Variants in PGAP2 observed in about 807,000 individuals in gnomAD.
The protein encoded by PGAP2 is post-GPI attachment to proteins 2.
A neutral mutation model predicts 33.2 loss-of-function variants in PGAP2; 21 were observed. The ratio of observed to expected loss-of-function variants is 0.63; its 90% CI spans 0.45 to 0.91. The LOEUF is 0.91. PGAP2 is among the 40% of genes least tolerant of loss of function. PGAP2 has a pLI of 0.00. For synonymous variants in PGAP2, 161 were observed against 172.9 expected, an observed-to-expected ratio of 0.93 and a Z score of 0.54; for missense variants, 345 against 424.0, an observed-to-expected ratio of 0.81 and a Z score of 1.64.
upstream of PGAP2, among the ~76,000 whole-genome samples, chr11:3,804,822 C>T (rs781094490): frequency 2.0e-5 from 3 of 152,156 alleles, no homozygotes; most frequent in Admixed American, 6.5e-5. Flanking sequence ...CTGCTTTAGC[C>T]TCCCAAGTAG....
intron 3 of PGAP2, among the ~76,000 whole-genome samples, chr11:3,822,407 A>C (rs1475240636): frequency 6.6e-6 from 1 of 151,880 alleles, no homozygotes; most frequent in African/African-American, 2.4e-5. Context: ...GAGGTGGCTC[A>C]TGCCTGTAGT....
In PGAP2 at chr11:3,824,029, C is replaced by CCCGT. The variant is rs1430308013; in HGVS notation, c.496_499dup (p.Cys167SerfsTer105). On this transcript the variant is annotated frameshift_variant, in exon 4 of 7. Coordinates refer to ENST00000278243, the MANE Select transcript of PGAP2 (RefSeq NM_014489.4). LOFTEE classifies it high-confidence loss of function. ...GGAACCACTACCTCAGCTGCACCTC[C>CCCGT]CCGTGTTCCTGCTATCGCCCGCTCT... 1 of 1,614,040 alleles carries CCCGT rather than the reference C, an allele frequency of 6.2e-7. No homozygotes were observed. The highest frequency in any genetic ancestry group is 8.5e-7 in the Non-Finnish European group (1 of 1,180,044).
intron 2 of PGAP2, among the ~76,000 whole-genome samples, chr11:3,816,661 G>A (rs759950892): frequency 6.6e-6 from 1 of 152,174 alleles, no homozygotes; most frequent in Non-Finnish European, 1.5e-5. Context: ...CAGGGACCTG[G>A]TATTTTAGGA....
rs547916329 is a variant in PGAP2 at position 3,798,104 on chromosome 11, T to C, written c.139+122T>C. 1.5e-4 allele frequency: 228 copies of C among 1,487,268 alleles called. 1 individual carries two copies. The African/African-American group carries it at 2.9e-3, about 19-fold the overall frequency. The allele number at this position is 1,487,268 out of a possible 1,614,324, so 92.1% of individuals were successfully genotyped here. A position where few individuals can be genotyped will look rare whatever the true frequency, so the allele number is the denominator to read the frequency against. On this transcript the variant is annotated intron_variant, in intron 1 of 6. Transcript: ENST00000300730. ...AGCCTGAGGGCCCTCTTGGAAGGTC[T>C]GTCTGTCCAAAGAGTTTGCCCGAGG...
At chr11:3,813,945 G>C (rs1035495654) in intron 2 of PGAP2, among the ~76,000 whole-genome samples, 61 of 152,296 alleles carry the variant, frequency 4.0e-4, no homozygotes, top group African/African-American at 1.3e-3. Context: ...TTAAGATATA[G>C]ATAGTTGCTG....
intron 2 of PGAP2, among the ~76,000 whole-genome samples, chr11:3,815,433 C>T (rs10742170): frequency 0.59 from 89,964 of 151,872 alleles, 29,826 homozygotes; most frequent in East Asian, 0.8. Context: ...CTCAGCCTCC[C>T]GAGTAGCTGG....
chr11:3,815,033 G>A (rs2086690059), intron 2 of PGAP2, among the ~76,000 whole-genome samples: 1 of 151,448 alleles, frequency 6.6e-6, no homozygotes, highest in South Asian at 2.1e-4. Flanking sequence ...TGCCTCCTGG[G>A]TTCAAGCCAT....
At position 3,811,586 on chromosome 11, in the gene PGAP2, C is replaced by T. The variant is rs188386854; in HGVS notation, c.165+162C>T. 3.0e-3 allele frequency among the ~76,000 whole-genome samples: 450 copies of T among 152,238 alleles called. No individual in the cohort carries two copies. Among genetic ancestry groups the T allele is most frequent in the Non-Finnish European group, 5.0e-3 (338 of 68,020 alleles). On this transcript the variant is annotated intron_variant, in intron 2 of 6. Coordinates refer to ENST00000278243, the MANE Select transcript of PGAP2 (RefSeq NM_014489.4). This position sits in a 1 kb window ranked among gnomAD's most constrained non-coding sequence, Gnocchi z 4.6. ...AAATTGAAATCTCAAGGGTTAGTCT[C>T]CCTCTGCCTTCTGTGAGGTTCTGGA...
At chr11:3,823,649 C>G (rs768368320) in intron 3 of PGAP2, 4 of 1,542,406 alleles carry the variant, frequency 2.6e-6, no homozygotes, top group Admixed American at 3.9e-5. Context: ...GAGAAGGTGC[C>G]ACCATGCTGC....
intron 1 of PGAP2, among the ~76,000 whole-genome samples, chr11:3,810,737 G>C (rs1054982542): frequency 5.9e-5 from 9 of 152,224 alleles, no homozygotes; most frequent in African/African-American, 1.7e-4. Context: ...CTGCGGTGCA[G>C]GCACACAGAG....
chr11:3,810,457 T>C (rs1478177431), intron 1 of PGAP2, among the ~76,000 whole-genome samples: 1 of 152,156 alleles, frequency 6.6e-6, no homozygotes, highest in East Asian at 1.9e-4. Flanking sequence ...TTGTTATAGT[T>C]CCTGACCTTA....
At chr11:3,816,745 T>C (rs1016939780) in intron 2 of PGAP2, among the ~76,000 whole-genome samples, 6 of 152,174 alleles carry the variant, frequency 3.9e-5, no homozygotes, top group South Asian at 2.1e-4. Flanking sequence ...TGTGGCCCCA[T>C]TGAAATAGGC....
At chr11:3,801,319 C>T (rs2083409780) in intron 1 of PGAP2, among the ~76,000 whole-genome samples, 1 of 151,854 alleles carries the variant, frequency 6.6e-6, no homozygotes, top group South Asian at 2.1e-4. Flanking sequence ...CAGATAAGGC[C>T]TCAATAAATG....
upstream of PGAP2, among the ~76,000 whole-genome samples, chr11:3,805,233 T>C (rs2084117973): frequency 6.6e-6 from 1 of 150,876 alleles, no homozygotes; most frequent in African/African-American, 2.4e-5. Context: ...TTACCTCTAA[T>C]ACAACAACCC....
In PGAP2 at chr11:3,811,173, G is replaced by A. The variant is rs1031653808; in HGVS notation, c.-10-77G>A. 37 of 1,396,664 alleles carry A rather than the reference G, an allele frequency of 2.6e-5. No homozygotes were observed. In the South Asian group the frequency reaches 2.9e-4, roughly 11 times the overall value. 86.5% of individuals were successfully genotyped at this position (1,396,664 alleles called of 1,614,324 possible). On this transcript the variant is annotated intron_variant, in intron 1 of 6. Transcript: ENST00000278243. This position sits in a 1 kb window ranked among gnomAD's most constrained non-coding sequence, Gnocchi z 4.6. ...ACAGCACACAGCTAATTTTAGGACT[G>A]AGCACAAGGGCTGACTTTATCACTG...
At chr11:3,822,233 G>C (rs1032954535) in intron 3 of PGAP2, among the ~76,000 whole-genome samples, 1 of 151,828 alleles carries the variant, frequency 6.6e-6, no homozygotes, top group Non-Finnish European at 1.5e-5. Flanking sequence ...GCGTGGTGAC[G>C]GGCGCCTGTA....
At chr11:3,816,787 T>C (rs1332665849) in intron 2 of PGAP2, among the ~76,000 whole-genome samples, 1 of 152,090 alleles carries the variant, frequency 6.6e-6, no homozygotes, top group African/African-American at 2.4e-5. Context: ...CTAGTTGAAC[T>C]TGGGTAAGGA....
At chr11:3,805,070 T>C (rs112552330), upstream of PGAP2, among the ~76,000 whole-genome samples, 4,170 of 152,096 alleles carry the variant, frequency 0.027, 194 homozygotes, top group African/African-American at 0.094. Context: ...TTCAAACTGA[T>C]AGTGAAATAA....
intron 1 of PGAP2, among the ~76,000 whole-genome samples, chr11:3,800,171 A>G (rs934543736): frequency 3.9e-5 from 6 of 152,020 alleles, no homozygotes; most frequent in South Asian, 2.1e-4. Context: ...TTACAACCAC[A>G]CTCCCTTGCC....
Sources: gnomAD v4.1 joint callset for allele counts (sites outside exome capture counted in the v4.1 genomes callset) on GRCh38, gnomAD v4.1.1 for gene constraint, Gnocchi (gnomAD v3.1) non-coding constraint, MANE v1.5 for transcripts, NCBI Gene and HGNC (gene_info 2026-07-23, HGNC 2026-07-21) for gene names.